DZIP3: variants seen among roughly 807,000 people sequenced by gnomAD.
DZIP3 encodes the protein DAZ interacting zinc finger protein 3.
DZIP3 carries 118 observed loss-of-function variants against 162.0 expected under a neutral mutation model. That is an observed-to-expected ratio of 0.73 (90% CI 0.63 to 0.85). DZIP3 has a LOEUF of 0.85. Among genes scored for constraint, DZIP3 ranks in the 40% least tolerant of loss-of-function variants. The pLI, the probability that DZIP3 is intolerant of heterozygous loss-of-function variation, is 0.00. For synonymous variants in DZIP3, 438 were observed against 458.6 expected, an observed-to-expected ratio of 0.96 and a Z score of 0.57; for missense variants, 1,331 against 1,407.0, an observed-to-expected ratio of 0.95 and a Z score of 0.86.
intron 1 of DZIP3, among the ~76,000 whole-genome samples, chr3:108,601,136 T>C (rs1344781251): frequency 6.6e-6 from 1 of 152,212 alleles, no homozygotes; most frequent in African/African-American, 2.4e-5. Context: ...ATTAAGCTTG[T>C]TAATCTTAAC....
At chr3:108,622,854 CT>C (rs1941419579) in intron 5 of DZIP3, among the ~76,000 whole-genome samples, 1 of 103,848 alleles carries the variant, frequency 9.6e-6, no homozygotes, top group African/African-American at 3.9e-5. Context: ...CTCTCTCTCT[CT>C]CTCTCTCTCT....
At chr3:108,592,814 C>T (rs531731646) in intron 1 of DZIP3, among the ~76,000 whole-genome samples, 15 of 151,706 alleles carry the variant, frequency 9.9e-5, no homozygotes, top group African/African-American at 2.9e-4. Flanking sequence ...TTTATCATTA[C>T]GTTTATTCTA....
At chr3:108,640,672 C>T (rs1942362306) in intron 12 of DZIP3, among the ~76,000 whole-genome samples, 1 of 152,108 alleles carries the variant, frequency 6.6e-6, no homozygotes, top group Non-Finnish European at 1.5e-5. Context: ...TCTTCATCTT[C>T]TGACCTCGTG....
intron 19 of DZIP3, among the ~76,000 whole-genome samples, chr3:108,658,687 T>C (rs1365916979): frequency 6.6e-6 from 1 of 151,938 alleles, no homozygotes; most frequent in African/African-American, 2.4e-5. Flanking sequence ...CTTCAAAAAA[T>C]CAATGAATCC....
intron 1 of DZIP3, among the ~76,000 whole-genome samples, chr3:108,595,833 G>A (rs994284891): frequency 6.6e-6 from 1 of 152,126 alleles, no homozygotes; most frequent in Non-Finnish European, 1.5e-5. Flanking sequence ...GAATTATACC[G>A]GGGTGTGAAC....
intron 19 of DZIP3, among the ~76,000 whole-genome samples, chr3:108,660,480 A>C (rs948742600): frequency 2.6e-5 from 4 of 152,134 alleles, no homozygotes; most frequent in African/African-American, 9.7e-5. Context: ...CTTGTACAAA[A>C]ACCAATTCAA....
chr3:108,636,199 AAAAT>A lies in DZIP3; in HGVS notation c.919-414_919-411del, dbSNP rs1255845357. ...GAATTTTAGAAAGAGAAGTAAAAGA[AAAAT>A]AAGTAATTTAACCAAAAGAAATAGC... On this transcript the variant is annotated intron_variant, in intron 10 of 32. Coordinates refer to ENST00000361582, the MANE Select transcript of DZIP3 (RefSeq NM_014648.4). Among the ~76,000 whole-genome samples, 4 of 151,996 alleles carry A rather than the reference AAAAT, an allele frequency of 2.6e-5. No individual in the cohort carries two copies. In the East Asian group the frequency reaches 7.7e-4, roughly 29 times the overall value.
chr3:108,691,884 C>T (rs898799876), intron 32 of DZIP3, among the ~76,000 whole-genome samples: 6 of 152,254 alleles, frequency 3.9e-5, no homozygotes, highest in East Asian at 3.9e-4. Context: ...CTTTCCTAAA[C>T]GAACCAATTT....
intron 4 of DZIP3, among the ~76,000 whole-genome samples, chr3:108,615,175 A>C (rs1940936202): frequency 6.6e-6 from 1 of 152,160 alleles, no homozygotes; most frequent in Non-Finnish European, 1.5e-5. Context: ...AGCTCTCCAG[A>C]GATTGCCTTT....
At position 108,640,993 on chromosome 3, in the gene DZIP3, G is replaced by A. The variant is rs1942377210; in HGVS notation, c.1065-1445G>A. Among the ~76,000 whole-genome samples the A allele has an allele frequency of 2.0e-5, 3 of 150,954 alleles. No individual in the cohort carries two copies. In the South Asian group the frequency reaches 6.3e-4, roughly 32 times the overall value. The stretch of plus-strand genomic sequence containing the variant: ...TGTATTTTCTTTACTAATTTATATG[G>A]TTGGAAATCTACTGTCTTCCTTGTT... On this transcript the variant is annotated intron_variant, in intron 12 of 32. Transcript: ENST00000361582.
intron 19 of DZIP3, among the ~76,000 whole-genome samples, chr3:108,661,156 A>T (rs1371720398): frequency 2.1e-4 from 32 of 152,180 alleles, no homozygotes; most frequent in Admixed American, 2.1e-3. Flanking sequence ...AAGGATTATA[A>T]ATCATGCTGC....
intron 1 of DZIP3, among the ~76,000 whole-genome samples, chr3:108,591,030 T>G (rs1490188848): frequency 1.3e-5 from 2 of 152,198 alleles, no homozygotes; most frequent in Admixed American, 1.3e-4. Flanking sequence ...ACGTTATTAC[T>G]CTAGAATAAT....
At chr3:108,630,746 G>A (rs1403866624) in intron 8 of DZIP3, among the ~76,000 whole-genome samples, 1 of 151,084 alleles carries the variant, frequency 6.6e-6, no homozygotes, top group Non-Finnish European at 1.5e-5. Flanking sequence ...AACTTTTTTA[G>A]TGAATTTTTA....
chr3:108,674,473 T>C (rs1174226930), intron 24 of DZIP3, among the ~76,000 whole-genome samples: 1 of 151,970 alleles, frequency 6.6e-6, no homozygotes, highest in African/African-American at 2.4e-5. Flanking sequence ...TAATGAGTAC[T>C]ATGTACAATA....
At chr3:108,663,169 AC>A (rs1463072567) in intron 21 of DZIP3, among the ~76,000 whole-genome samples, 3 of 152,200 alleles carry the variant, frequency 2.0e-5, no homozygotes. Context: ...TGTCAGACTT[AC>A]CCTGACTAGA....
intron 13 of DZIP3, 59 bp downstream of exon 13, chr3:108,642,573 C>T: frequency 5.0e-6 from 7 of 1,389,494 alleles, no homozygotes; most frequent in South Asian, 1.4e-5. Flanking sequence ...TTTGACTTCT[C>T]TGTCAACTTT....
chr3:108,624,654 A>T, intron 6 of DZIP3, 130 bp downstream of exon 6: 1 of 483,426 alleles, frequency 2.1e-6, no homozygotes, highest in Non-Finnish European at 3.6e-6. Flanking sequence ...CATTTCTTTT[A>T]TTTATCTTTT....
intron 5 of DZIP3, among the ~76,000 whole-genome samples, chr3:108,617,952 A>C (rs1941106723): frequency 6.6e-6 from 1 of 152,206 alleles, no homozygotes; most frequent in Non-Finnish European, 1.5e-5. Flanking sequence ...TGGTAGCTCT[A>C]GGTAGTACTT....
At chr3:108,653,507 GTATATATATATATATATA>G (rs57047978) in intron 18 of DZIP3, among the ~76,000 whole-genome samples, 10 of 104,618 alleles carry the variant, frequency 9.6e-5, no homozygotes, top group South Asian at 3.2e-4. Context: ...GTGTGTGTGT[GTATATATATATATATATA>G]TATATATATA....
Sources: allele counts gnomAD v4.1 joint callset (sites outside exome capture counted in the v4.1 genomes callset), GRCh38; gene constraint gnomAD v4.1.1; transcripts MANE v1.5; gene names NCBI Gene and HGNC (gene_info 2026-07-23, HGNC 2026-07-21).